OR4F6: variants seen among roughly 807,000 people sequenced by gnomAD.
OR4F6 encodes olfactory receptor family 4 subfamily F member 6.
In OR4F6, 13 loss-of-function variants were observed where a neutral mutation model predicts 15.9. That is an observed-to-expected ratio of 0.82 (90% CI 0.53 to 1.30). OR4F6 has a LOEUF of 1.30. OR4F6 is among the 50% of genes most tolerant of loss of function. The probability of loss-of-function intolerance (pLI) is 0.00; values close to 1 mark genes in which losing one functional copy is unlikely to be tolerated. For synonymous variants in OR4F6, 150 were observed against 133.8 expected, an observed-to-expected ratio of 1.12 and a Z score of -0.83; for missense variants, 426 against 367.2, an observed-to-expected ratio of 1.16 and a Z score of -1.31.
In OR4F6 at chr15:101,806,653, T is replaced by A. The variant is rs1902814632; in HGVS notation, c.934T>A (p.Phe312Ile). The A allele has an allele frequency of 6.5e-7, 1 of 1,549,024 alleles. No individual in the cohort carries two copies. The highest frequency in any genetic ancestry group is 2.1e-5 in the Admixed American group (1 of 48,650). Residue 312 changes from phenylalanine (F) to isoleucine (I), a missense_variant, in exon 2 of 2, where the codon TTT (phenylalanine) becomes ATT (isoleucine). Phe to Ile is a conservative substitution (Grantham distance 21). Coordinates refer to ENST00000328882, the MANE Select transcript of OR4F6 (RefSeq NM_001005326.2). ...TCAGTTTGTGAATTACAGTAAAATC[T>A]TTTAAATATATTGAGAATATACAAA... is the stretch of plus-strand genomic sequence containing the variant. ...CSQFVNYSKI[F>I]
chr15:101,804,143 G>A (rs1393640930), intron 1 of OR4F6, among the ~76,000 whole-genome samples: 1 of 148,948 alleles, frequency 6.7e-6, no homozygotes, highest in Non-Finnish European at 1.5e-5. Flanking sequence ...CTTCTATAAG[G>A]CTTGCTGTAT....
chr15:101,806,450 T>A lies in OR4F6; in HGVS notation c.731T>A (p.Val244Asp), dbSNP rs1204167560. 3 of 1,613,630 alleles carry A rather than the reference T, an allele frequency of 1.9e-6. No individual in the cohort carries two copies. The highest frequency in any genetic ancestry group is 3.3e-5 in the Admixed American group (2 of 59,904). The change falls in exon 2 of 2, where the codon GTC (valine) becomes GAC (aspartate). Residue 244 changes from valine to aspartate, a missense_variant. Physicochemically the swap from Val to Asp is radical, Grantham distance 152. Coordinates refer to ENST00000328882, the MANE Select transcript of OR4F6 (RefSeq NM_001005326.2). The part of the protein sequence containing the change: ...FKAFSMLSAH[V>D]IVVVLVFGPL... ...GCTTTCTCTATGCTGTCAGCTCATG[T>A]CATTGTGGTGGTTTTGGTCTTTGGG...
rs141685831 is a variant in OR4F6 at position 101,806,349 on chromosome 15, T to C, written c.630T>C (p.Ser210=). ...TANSGFISLA[S]FLILIISYIF... Reference sequence around the variant, plus strand: ...ATAGTGGATTTATTTCTCTGGCTTCTTTTTTAATTCTCATAATCTCTTACA... The same window carrying C: ...ATAGTGGATTTATTTCTCTGGCTTCCTTTTTAATTCTCATAATCTCTTACA... Residue 210 remains serine (S), a synonymous_variant, in exon 2 of 2, where the codon TCT becomes TCC. Transcript: ENST00000328882. 3.1e-5 allele frequency: 50 copies of C among 1,613,938 alleles called. No homozygotes were observed. Among genetic ancestry groups the C allele is most frequent in the Non-Finnish European group, 4.2e-5 (49 of 1,179,892 alleles).
In OR4F6 at chr15:101,806,437, C is replaced by T. The variant is rs757972519; in HGVS notation, c.718C>T (p.Leu240=). ...TGGTATATTCAAGGCTTTCTCTATG[C>T]TGTCAGCTCATGTCATTGTGGTGGT... ...SGGIFKAFSM[L]SAHVIVVVLV... The change falls in exon 2 of 2, where the codon CTG becomes TTG. Residue 240 remains leucine, a synonymous_variant. Coordinates refer to ENST00000328882, the MANE Select transcript of OR4F6 (RefSeq NM_001005326.2). The T allele has an allele frequency of 6.2e-7, 1 of 1,613,456 alleles. No individual in the cohort carries two copies. Among genetic ancestry groups the T allele is most frequent in the Non-Finnish European group, 8.5e-7 (1 of 1,179,810 alleles).
chr15:101,806,139 G>A lies in OR4F6; in HGVS notation c.420G>A (p.Arg140=). ...LHYLTIMNPQ[R]CILFLVISWI... ...ACCTGACCATCATGAACCCACAAAG[G>A]TGCATTTTGTTTTTAGTCATTTCCT... The change falls in exon 2 of 2, where the codon AGG becomes AGA. Residue 140 remains arginine, a synonymous_variant. Transcript: ENST00000328882. The A allele has an allele frequency of 1.9e-6, 3 of 1,614,182 alleles. No homozygotes were observed. The highest frequency in any genetic ancestry group is 1.7e-6 in the Non-Finnish European group (2 of 1,180,038).
rs1240392428 is a variant in OR4F6, at chr15:101,806,585, T to C, written c.866T>C (p.Phe289Ser). 2 of 1,611,092 alleles carry C rather than the reference T, an allele frequency of 1.2e-6. No individual in the cohort carries two copies. Among genetic ancestry groups the C allele is most frequent in the Admixed American group, 3.4e-5 (2 of 59,374 alleles). ...GTTTTGAATCCAGTCATCTATACTT[T>C]TAGAAATAAAGAGATGATGGTGGCA... The part of the protein sequence containing the change: ...TPVLNPVIYT[F>S]RNKEMMVAMR... The change falls in exon 2 of 2, where the codon TTT (phenylalanine) becomes TCT (serine). Residue 289 changes from phenylalanine (F) to serine (S), a missense_variant. By Grantham distance (155) the Phe-to-Ser change is radical. Coordinates refer to ENST00000328882, the MANE Select transcript of OR4F6 (RefSeq NM_001005326.2).
In OR4F6 at chr15:101,806,435, T is replaced by A. The variant is rs144902577; in HGVS notation, c.716T>A (p.Met239Lys). ...SSGGIFKAFS[M>K]LSAHVIVVVL... Reference sequence around the variant, plus strand: ...GGTGGTATATTCAAGGCTTTCTCTATGCTGTCAGCTCATGTCATTGTGGTG... The same window carrying A: ...GGTGGTATATTCAAGGCTTTCTCTAAGCTGTCAGCTCATGTCATTGTGGTG... Residue 239 changes from methionine to lysine, a missense_variant, in exon 2 of 2, where the codon ATG becomes AAG. Met to Lys is a moderately conservative substitution (Grantham distance 95). Transcript: ENST00000328882. 40 of 1,613,602 alleles carry A rather than the reference T, an allele frequency of 2.5e-5. No individual in the cohort carries two copies. The African/African-American group carries it at 4.3e-4, about 17-fold the overall frequency.
intron 1 of OR4F6, among the ~76,000 whole-genome samples, chr15:101,804,963 A>T (rs556393669): frequency 7.2e-5 from 11 of 152,334 alleles, no homozygotes; most frequent in African/African-American, 2.4e-4. Context: ...GCTTCTAGGG[A>T]GCAATTTAGA....
In OR4F6 at chr15:101,805,925, T is replaced by A; in HGVS notation, c.206T>A (p.Ile69Asn). The A allele has an allele frequency of 6.2e-7, 1 of 1,614,142 alleles. No homozygotes were observed. The highest frequency in any genetic ancestry group is 8.5e-7 in the Non-Finnish European group (1 of 1,180,012). ...MYFLLANLSI[I>N]NLVFCSSTAP... ...TTCCTGCTGGCCAACCTTTCCATCA[T>A]CAATTTGGTATTTTGTTCCTCCACA... The change falls in exon 2 of 2, where the codon ATC (isoleucine) becomes AAC (asparagine). Residue 69 changes from isoleucine (I) to asparagine (N), a missense_variant. By Grantham distance (149) the Ile-to-Asn change is moderately radical (BLOSUM62 -3). Coordinates refer to ENST00000328882, the MANE Select transcript of OR4F6 (RefSeq NM_001005326.2).
intron 1 of OR4F6, 52 bp downstream of exon 1, chr15:101,803,597 G>A (rs1361629465): frequency 6.6e-6 from 1 of 152,192 alleles, no homozygotes; most frequent in East Asian, 1.9e-4. Context: ...ACTTTAAATG[G>A]AAACACACAG....
At chr15:101,804,882 A>G (rs900370861) in intron 1 of OR4F6, among the ~76,000 whole-genome samples, 1 of 152,138 alleles carries the variant, frequency 6.6e-6, no homozygotes, top group Non-Finnish European at 1.5e-5. Flanking sequence ...GATAAAACAA[A>G]AGTCTTGTGT....
rs1902816347 is a variant in OR4F6 at position 101,806,727 on chromosome 15, T to C, written c.*69T>C. 7 of 910,468 alleles carry C rather than the reference T, an allele frequency of 7.7e-6. No individual in the cohort carries two copies. Among genetic ancestry groups the C allele is most frequent in the African/African-American group, 1.7e-5 (1 of 59,580 alleles). 56.4% of individuals were successfully genotyped at this position (910,468 alleles called of 1,614,324 possible). A position where few individuals can be genotyped will look rare whatever the true frequency, so the allele number is the denominator to read the frequency against. ...AGACAGATATGTGTTAAGTAAGCTA[T>C]GTTAAATTTAACCAGAATATCACTT... On this transcript the variant is annotated 3_prime_UTR_variant, in exon 2 of 2. Transcript: ENST00000328882.
In OR4F6 at chr15:101,806,111, A is replaced by T; in HGVS notation, c.392A>T (p.His131Leu). 2 of 1,614,180 alleles carry T rather than the reference A, an allele frequency of 1.2e-6. No individual in the cohort carries two copies. Among genetic ancestry groups the T allele is most frequent in the South Asian group, 2.2e-5 (2 of 91,078 alleles). The change falls in exon 2 of 2, where the codon CAC (histidine) becomes CTC (leucine). Residue 131 changes from histidine to leucine, a missense_variant. Coordinates refer to ENST00000328882, the MANE Select transcript of OR4F6 (RefSeq NM_001005326.2). ...TATGTGGCCATATGTAAGCCTCTCCACTACCTGACCATCATGAACCCACAA... is the reference window on the plus strand; with the variant it reads ...TATGTGGCCATATGTAAGCCTCTCCTCTACCTGACCATCATGAACCCACAA... Reference protein sequence around the residue: ...DRYVAICKPLHYLTIMNPQRC... With the variant: ...DRYVAICKPLLYLTIMNPQRC...
rs749188506 is a variant in OR4F6, at chr15:101,806,174, G to A, written c.455G>A (p.Gly152Asp). The stretch of plus-strand genomic sequence containing the variant: ...TTTTTAGTCATTTCCTGGATTATAG[G>A]TATTATTCACTCAGTGATTCAGTTG... ...ILFLVISWII[G>D]IIHSVIQLAF... Residue 152 changes from glycine (G) to aspartate (D), a missense_variant, in exon 2 of 2, where the codon GGT (glycine) becomes GAT (aspartate). Gly to Asp is a moderately conservative substitution (Grantham distance 94). Transcript: ENST00000328882. The A allele has an allele frequency of 6.2e-7, 1 of 1,614,070 alleles. No homozygotes were observed. Among genetic ancestry groups the A allele is most frequent in the East Asian group, 2.2e-5 (1 of 44,876 alleles).
chr15:101,804,292 A>G (rs1596369955), intron 1 of OR4F6, among the ~76,000 whole-genome samples: 1 of 152,184 alleles, frequency 6.6e-6, no homozygotes, highest in East Asian at 1.9e-4. Flanking sequence ...AATGATCTAC[A>G]TTTAAAAAAC....
At chr15:101,804,421 C>G (rs1009157291) in intron 1 of OR4F6, among the ~76,000 whole-genome samples, 2 of 152,182 alleles carry the variant, frequency 1.3e-5, no homozygotes, top group Non-Finnish European at 2.9e-5. Flanking sequence ...GTGAGTTGAT[C>G]AGTAGATGAT....
Position 101,805,711 on chromosome 15 carries a change from A to G in OR4F6, c.-9A>G. On this transcript the variant is annotated 5_prime_UTR_variant, in exon 2 of 2. Transcript: ENST00000328882. ...GTTAGCATGAGAGTTGTCACAGCCG[A>G]CAGAGGCAATGGATGAAGCCAATCA... The G allele has an allele frequency of 6.3e-7, 1 of 1,598,924 alleles. No individual in the cohort carries two copies. Among genetic ancestry groups the G allele is most frequent in the Non-Finnish European group, 8.5e-7 (1 of 1,170,174 alleles).
chr15:101,804,094 C>T (rs903427461), intron 1 of OR4F6, among the ~76,000 whole-genome samples: 5 of 152,176 alleles, frequency 3.3e-5, no homozygotes, highest in African/African-American at 1.2e-4. Context: ...AAGAATTTTA[C>T]AATCGTTAGC....
rs75412940 is a variant in OR4F6 at position 101,806,766 on chromosome 15, A to C, written c.*108A>C. On this transcript the variant is annotated 3_prime_UTR_variant, in exon 2 of 2. Coordinates refer to ENST00000328882, the MANE Select transcript of OR4F6 (RefSeq NM_001005326.2). ...AGAATATCACTTTCTACTAGTATGT[A>C]TTGTGTTGTCTTTTTTTTCTTCCCA... is the stretch of plus-strand genomic sequence containing the variant. 6.8e-3 allele frequency: 4,134 copies of C among 611,190 alleles called. 210 individuals are homozygous for C. The East Asian group carries it at 0.11, about 16-fold the overall frequency. The allele number at this position is 611,190 out of a possible 1,614,324, so 37.9% of individuals were successfully genotyped here.
Sources: gnomAD v4.1 joint callset for allele counts (sites outside exome capture counted in the v4.1 genomes callset) on GRCh38, gnomAD v4.1.1 for gene constraint, MANE v1.5 for transcripts, NCBI Gene and HGNC (gene_info 2026-07-23, HGNC 2026-07-21) for gene names.